The following ADAMTSL1 variants were observed in gnomAD, a reference collection of about 807,000 sequenced individuals.
ADAMTSL1 encodes the protein ADAMTS like 1, also known as ADAMTS-like protein 1.
Under a neutral mutation model 201.8 loss-of-function variants are expected in ADAMTSL1, and 126 were observed. That is an observed-to-expected ratio of 0.62 (90% CI 0.54 to 0.72). The LOEUF is 0.72. Among genes scored for constraint, ADAMTSL1 ranks in the 30% least tolerant of loss-of-function variants. The pLI is 0.00. For synonymous variants in ADAMTSL1, 1,121 were observed against 903.4 expected (o/e 1.24, Z -4.32); for missense variants, 2,679 against 2,277.8 (o/e 1.18, Z -3.59).
intron 15 of ADAMTSL1, among the ~76,000 whole-genome samples, chr9:18,726,603 TA>T (rs960531648): frequency 1.8e-4 from 27 of 148,444 alleles, no homozygotes; most frequent in African/African-American, 3.4e-4. Context: ...GTACTACCTT[TA>T]AAAAAAAAAG....
chr9:18,900,077 A>ACTT (rs1829914057), intron 26 of ADAMTSL1, among the ~76,000 whole-genome samples: 1 of 152,172 alleles, frequency 6.6e-6, no homozygotes, highest in Non-Finnish European at 1.5e-5. Context: ...GAGGAACTTA[A>ACTT]AAAAATTTAC....
intron 1 of ADAMTSL1, among the ~76,000 whole-genome samples, chr9:18,100,162 T>C (rs1824454358): frequency 1.3e-5 from 2 of 152,194 alleles, no homozygotes; most frequent in South Asian, 4.1e-4. Flanking sequence ...GGACATGTCC[T>C]CCAGAATTTT....
chr9:18,607,556 C>G (rs941923517), intron 4 of ADAMTSL1, among the ~76,000 whole-genome samples: 4 of 146,912 alleles, frequency 2.7e-5, no homozygotes, highest in African/African-American at 1.0e-4. Context: ...TTCCATGCAG[C>G]ATTTTCATAA....
intron 2 of ADAMTSL1, among the ~76,000 whole-genome samples, chr9:18,190,621 A>T (rs1446239738): frequency 6.6e-6 from 1 of 152,210 alleles, no homozygotes; most frequent in Non-Finnish European, 1.5e-5. Flanking sequence ...AGCTTTCTCC[A>T]AATTTGAACC....
intron 1 of ADAMTSL1, among the ~76,000 whole-genome samples, chr9:18,038,526 C>T (rs907801253): frequency 5.2e-4 from 79 of 152,208 alleles, no homozygotes; most frequent in Middle Eastern, 3.4e-3. Context: ...GATGGCAATT[C>T]GATATTTTAT....
chr9:18,742,387 G>C (rs934894505), intron 15 of ADAMTSL1, among the ~76,000 whole-genome samples: 6 of 152,172 alleles, frequency 3.9e-5, no homozygotes, highest in African/African-American at 1.4e-4. Context: ...AATCTTAAAT[G>C]CCTTGTGGTC....
At chr9:18,700,877 A>G (rs571428624) in intron 13 of ADAMTSL1, among the ~76,000 whole-genome samples, 1 of 152,310 alleles carries the variant, frequency 6.6e-6, no homozygotes, top group South Asian at 2.1e-4. Flanking sequence ...ACATCTGACA[A>G]AGATTTAACC....
rs1822154342 is a variant in ADAMTSL1 at position 18,055,755 on chromosome 9, A to G, written c.88-108107A>G. ...GTTTAGGATATTTATGATAGAGAAG[A>G]AGAATGAGGTAAATTAGGATAAAGC... On this transcript the variant is annotated intron_variant, in intron 1 of 29. Transcript: ENST00000680146. Among the ~76,000 whole-genome samples, 3 of 152,350 alleles carry G rather than the reference A, an allele frequency of 2.0e-5. No individual in the cohort carries two copies. In the South Asian group the frequency reaches 6.2e-4, roughly 32 times the overall value.
chr9:18,324,705 A>G (rs1486218942), intron 2 of ADAMTSL1, among the ~76,000 whole-genome samples: 1 of 151,804 alleles, frequency 6.6e-6, no homozygotes, highest in Non-Finnish European at 1.5e-5. Flanking sequence ...CGGAGATTGC[A>G]GTGAGCTGAG....
At chr9:18,486,125 G>A (rs1821978205) in intron 1 of ADAMTSL1, among the ~76,000 whole-genome samples, 1 of 152,200 alleles carries the variant, frequency 6.6e-6, no homozygotes, top group Non-Finnish European at 1.5e-5. Flanking sequence ...AACTGAGTCA[G>A]TGTTCAACAA....
chr9:18,532,627 T>G (rs1200650404), intron 2 of ADAMTSL1, among the ~76,000 whole-genome samples: 1 of 152,026 alleles, frequency 6.6e-6, no homozygotes, highest in Non-Finnish European at 1.5e-5. Context: ...GTAAGTGATG[T>G]GATTTTTTTT....
intron 12 of ADAMTSL1, 84 bp downstream of exon 12, chr9:18,682,043 G>A: frequency 2.2e-6 from 3 of 1,385,580 alleles, no homozygotes; most frequent in Non-Finnish European, 3.0e-6. Context: ...ATATTTTTAA[G>A]TATCCCAAGT....
rs11449360 is a variant in ADAMTSL1 at position 18,740,478 on chromosome 9, C to CTTTTTTTTTTTTTTTTTTTTTTT, written c.2007-12803_2007-12802insTTTTTTTTTTTTTTTTTTTTTTT. 4.7e-5 allele frequency among the ~76,000 whole-genome samples: 5 copies of CTTTTTTTTTTTTTTTTTTTTTTT among 105,678 alleles called. 1 individual carries two copies. Among genetic ancestry groups the CTTTTTTTTTTTTTTTTTTTTTTT allele is most frequent in the African/African-American group, 1.5e-4 (4 of 27,362 alleles). 69.3% of individuals were successfully genotyped at this position (105,678 alleles called of 152,430 possible). A position where few individuals can be genotyped will look rare whatever the true frequency, so the allele number is the denominator to read the frequency against. On this transcript the variant is annotated intron_variant, in intron 15 of 28. Transcript: ENST00000380548. Reference sequence around the variant, plus strand: ...CTTTCTTTTTTTTTTTTTCTTTTATCTTTTTTTTTTTTTTTTTGAGAGGAG... The same window carrying CTTTTTTTTTTTTTTTTTTTTTTT: ...CTTTCTTTTTTTTTTTTTCTTTTATCTTTTTTTTTTTTTTTTTTTTTTTTTTTTTTTTTTTTTTTTGAGAGGAG...
chr9:18,560,941 A>T (rs202136754), intron 3 of ADAMTSL1, among the ~76,000 whole-genome samples: 5 of 29,580 alleles, frequency 1.7e-4, no homozygotes, highest in Non-Finnish European at 3.1e-4. Context: ...GTTAATCTTT[A>T]AAAAAAAAAA....
chr9:18,439,138 C>G (rs926537338), intron 2 of ADAMTSL1, among the ~76,000 whole-genome samples: 4 of 152,182 alleles, frequency 2.6e-5, no homozygotes, highest in African/African-American at 9.7e-5. Flanking sequence ...CATGACCGCC[C>G]TGCCAGGGAC....
At chr9:18,294,252 G>T (rs888555359) in intron 2 of ADAMTSL1, among the ~76,000 whole-genome samples, 1 of 152,234 alleles carries the variant, frequency 6.6e-6, no homozygotes, top group African/African-American at 2.4e-5. Context: ...GGATGCTTTA[G>T]CAGGAGTGTA....
chr9:18,369,093 T>G (rs1190182082), intron 2 of ADAMTSL1, among the ~76,000 whole-genome samples: 1 of 152,226 alleles, frequency 6.6e-6, no homozygotes, highest in African/African-American at 2.4e-5. Flanking sequence ...ACTGATCTAT[T>G]AACTATAGTT....
chr9:18,219,308 C>G (rs1434242107), intron 2 of ADAMTSL1, among the ~76,000 whole-genome samples: 3 of 151,262 alleles, frequency 2.0e-5, no homozygotes, highest in Non-Finnish European at 4.4e-5. Flanking sequence ...ATTTTATCCT[C>G]TTACCTATGA....
At position 18,795,510 on chromosome 9, in the gene ADAMTSL1, C is replaced by T; in HGVS notation, c.3791C>T (p.Ala1264Val). The T allele has an allele frequency of 6.2e-7, 1 of 1,612,622 alleles. No individual in the cohort carries two copies. Among genetic ancestry groups the T allele is most frequent in the Non-Finnish European group, 8.5e-7 (1 of 1,179,274 alleles). The change falls in exon 20 of 29, where the codon GCC becomes GTC. Residue 1264 changes from alanine to valine, a missense_variant. Physicochemically the swap from Ala to Val is moderately conservative, Grantham distance 64. Transcript: ENST00000380548. ...NALGYDSVSI[A>V]VTLAGKPLVK... ...TTGGGATACGACTCTGTCTCCATTG[C>T]CGTCACATTAGCAGGTAACCCAAAA... is the stretch of plus-strand genomic sequence containing the variant.
Sources: gnomAD v4.1 joint callset for allele counts (sites outside exome capture counted in the v4.1 genomes callset) on GRCh38, gnomAD v4.1.1 for gene constraint, MANE v1.5 for transcripts, NCBI Gene and HGNC (gene_info 2026-07-23, HGNC 2026-07-21) for gene names.